The following KAZN variants were observed in gnomAD, a reference collection of about 807,000 sequenced individuals.
KAZN encodes kazrin.
KAZN carries 40 observed loss-of-function variants against 87.4 expected under a neutral mutation model. That is an observed-to-expected ratio of 0.46 (90% CI 0.36 to 0.60). The LOEUF (loss-of-function observed/expected upper bound fraction) is 0.60. Among genes scored for constraint, KAZN ranks in the 20% least tolerant of loss-of-function variants. The probability of loss-of-function intolerance (pLI) is 0.00; values close to 1 mark genes in which losing one functional copy is unlikely to be tolerated. For synonymous variants in KAZN, 466 were observed against 458.3 expected, an observed-to-expected ratio of 1.02 and a Z score of -0.22; for missense variants, 898 against 1,073.9, an observed-to-expected ratio of 0.84 and a Z score of 2.29.
intron 2 of KAZN, among the ~76,000 whole-genome samples, chr1:14,566,148 T>C (rs369480559): frequency 2.0e-5 from 3 of 152,180 alleles, no homozygotes; most frequent in Non-Finnish European, 4.4e-5. Flanking sequence ...AATAATAAGA[T>C]TGAAAGTCTA....
chr1:13,904,736 G>T (rs1570236826), intron 1 of KAZN, among the ~76,000 whole-genome samples: 1 of 152,206 alleles, frequency 6.6e-6, no homozygotes, highest in East Asian at 1.9e-4. Context: ...GTAGCTAGGG[G>T]TAGGTCTAAT....
At position 14,851,885 on chromosome 1, in the gene KAZN, G is replaced by A. The variant is rs1417314974; in HGVS notation, c.227-108799G>A. Among the ~76,000 whole-genome samples, 3 of 152,222 alleles carry A rather than the reference G, an allele frequency of 2.0e-5. 1 individual carries two copies. The highest frequency in any genetic ancestry group is 4.4e-5 in the Non-Finnish European group (3 of 68,044). Reference sequence around the variant, plus strand: ...ACCCCTGCAACTGCAGGTCACTGGGGGAGGGACCTAGTCCAGCTCACCCGG... The same window carrying A: ...ACCCCTGCAACTGCAGGTCACTGGGAGAGGGACCTAGTCCAGCTCACCCGG... On this transcript the variant is annotated intron_variant, in intron 1 of 14. Transcript: ENST00000376030.
intron 1 of KAZN, among the ~76,000 whole-genome samples, chr1:14,050,386 G>C (rs1447503418): frequency 6.6e-6 from 1 of 152,180 alleles, no homozygotes; most frequent in Non-Finnish European, 1.5e-5. Flanking sequence ...GAGACTGGGT[G>C]ATTTATAAGG....
intron 1 of KAZN, among the ~76,000 whole-genome samples, chr1:14,711,934 C>CG (rs1642510410): frequency 6.6e-6 from 1 of 152,180 alleles, no homozygotes; most frequent in Admixed American, 6.5e-5. Flanking sequence ...GCTTGTTACA[C>CG]GCAGTAGATA....
chr1:14,374,132 T>C (rs1660717816), intron 2 of KAZN, among the ~76,000 whole-genome samples: 1 of 152,228 alleles, frequency 6.6e-6, no homozygotes, highest in South Asian at 2.1e-4. Context: ...GACCAAACCC[T>C]GTGCCATATG....
At chr1:14,421,076 C>T (rs6698582) in intron 2 of KAZN, among the ~76,000 whole-genome samples, 89,314 of 152,118 alleles carry the variant, frequency 0.59, 26,848 homozygotes, top group African/African-American at 0.7. Context: ...CAGCACGCTG[C>T]CCTCTCTCAG....
chr1:14,399,719 G>T (rs560306327), intron 2 of KAZN, among the ~76,000 whole-genome samples: 12 of 152,208 alleles, frequency 7.9e-5, no homozygotes, highest in African/African-American at 2.9e-4. Flanking sequence ...CCCACATGCT[G>T]CTCTGCTCTG....
At chr1:14,979,388 G>A (rs1425419484) in intron 2 of KAZN, among the ~76,000 whole-genome samples, 1 of 151,918 alleles carries the variant, frequency 6.6e-6, no homozygotes, top group Non-Finnish European at 1.5e-5. Flanking sequence ...CAGCCTGGGT[G>A]GCAGAGGGAG....
At chr1:15,005,866 G>A (rs1312839627) in intron 2 of KAZN, among the ~76,000 whole-genome samples, 1 of 152,172 alleles carries the variant, frequency 6.6e-6, no homozygotes, top group Non-Finnish European at 1.5e-5. Flanking sequence ...ACTGCCTCCT[G>A]TATTGTTTCC....
At chr1:14,235,705 A>T (rs1385757625) in intron 2 of KAZN, among the ~76,000 whole-genome samples, 1 of 152,224 alleles carries the variant, frequency 6.6e-6, no homozygotes, top group Non-Finnish European at 1.5e-5. Context: ...GAAGAATTGG[A>T]AACAATCTAG....
rs752401071 is a variant in KAZN at position 15,112,228 on chromosome 1, C to T, written c.2049-199C>T. On this transcript the variant is annotated intron_variant, in intron 13 of 14. Transcript: ENST00000376030. ...GTAATGCTGGGCTGGCAGTCCCAAG[C>T]CCCAGGCATGTTGTGAGAATCACGC... The T allele has an allele frequency of 2.4e-4, 141 of 587,262 alleles. 1 individual carries two copies. Among genetic ancestry groups the T allele is most frequent in the Non-Finnish European group, 3.6e-4 (117 of 324,986 alleles). The allele number at this position is 587,262 out of a possible 1,614,324, so 36.4% of individuals were successfully genotyped here.
intron 1 of KAZN, among the ~76,000 whole-genome samples, chr1:14,714,299 G>A (rs1003255511): frequency 6.6e-6 from 1 of 152,144 alleles, no homozygotes; most frequent in Non-Finnish European, 1.5e-5. Context: ...TTCGGAGCAG[G>A]TGAAGAGTAT....
At chr1:14,270,011 C>T (rs1651792704) in intron 2 of KAZN, among the ~76,000 whole-genome samples, 1 of 152,150 alleles carries the variant, frequency 6.6e-6, no homozygotes, top group South Asian at 2.1e-4. Flanking sequence ...TGCATAGTGC[C>T]TGCACCTGCT....
At chr1:14,861,265 C>A (rs547952021) in intron 1 of KAZN, among the ~76,000 whole-genome samples, 1 of 152,234 alleles carries the variant, frequency 6.6e-6, no homozygotes, top group South Asian at 2.1e-4. Flanking sequence ...TGTAGTCCCC[C>A]CTACTTGGGA....
intron 8 of KAZN, chr1:15,067,193 A>T (rs1639281023): frequency 5.1e-6 from 5 of 985,470 alleles, no homozygotes; most frequent in Non-Finnish European, 6.0e-6. Context: ...GGAGGGCCAC[A>T]GTGGGGACAC....
chr1:14,122,720 G>T (rs1463948167), intron 1 of KAZN, among the ~76,000 whole-genome samples: 2 of 152,172 alleles, frequency 1.3e-5, no homozygotes, highest in African/African-American at 4.8e-5. Flanking sequence ...TAGGCTGTGA[G>T]CATTGAAACA....
intron 1 of KAZN, among the ~76,000 whole-genome samples, chr1:14,713,786 A>AG (rs1642617969): frequency 1.7e-5 from 2 of 119,134 alleles, no homozygotes; most frequent in Admixed American, 8.7e-5. Context: ...AAAAAAAAAA[A>AG]AAAAAAAAAA....
chr1:13,930,424 G>T (rs1417747272), intron 1 of KAZN, among the ~76,000 whole-genome samples: 1 of 152,140 alleles, frequency 6.6e-6, no homozygotes, highest in Non-Finnish European at 1.5e-5. Context: ...ATTGGTTTTG[G>T]CTATTGTCAC....
intron 1 of KAZN, among the ~76,000 whole-genome samples, chr1:13,915,188 C>T (rs1264971742): frequency 2.6e-5 from 4 of 152,176 alleles, no homozygotes; most frequent in East Asian, 1.9e-4. Flanking sequence ...CACATGTATA[C>T]GATCTGCCTT....
Sources: gnomAD v4.1 joint callset for allele counts (sites outside exome capture counted in the v4.1 genomes callset) on GRCh38, gnomAD v4.1.1 for gene constraint, MANE v1.5 for transcripts, NCBI Gene and HGNC (gene_info 2026-07-23, HGNC 2026-07-21) for gene names.